PCP2: variants seen among roughly 807,000 people sequenced by gnomAD.
PCP2 encodes Purkinje cell protein 2 homolog.
Under a neutral mutation model 18.3 loss-of-function variants are expected in PCP2, and 21 were observed. That is an observed-to-expected ratio of 1.14 (90% CI 0.81 to 1.65). PCP2 has a LOEUF of 1.65. Among genes scored for constraint, PCP2 ranks in the 40% most tolerant of loss-of-function variants. The probability of loss-of-function intolerance (pLI) is 0.00; values close to 1 mark genes in which losing one functional copy is unlikely to be tolerated. For missense variants in PCP2, 202 were observed against 201.8 expected (o/e 1.00, Z 0.00); for synonymous variants, 85 against 77.6 (o/e 1.10, Z -0.50).
Position 7,633,679 on chromosome 19 carries a change from C to T in PCP2, c.-222G>A, listed in dbSNP as rs1465940021. 5 of 583,656 alleles carry T rather than the reference C, an allele frequency of 8.6e-6. No individual in the cohort carries two copies. The highest frequency in any genetic ancestry group is 4.2e-5 in the South Asian group (2 of 47,400). 36.2% of individuals were successfully genotyped at this position (583,656 alleles called of 1,614,324 possible). ...CTGGCATGGTGGGTAGGGGGCAGGG[C>T]GACCTGAGCTTGGACCTCGCTGTGC... On this transcript the variant is annotated 5_prime_UTR_variant, in exon 1 of 4. Transcript: ENST00000311069.
chr19:7,635,360 G>A (rs2031487002), upstream of PCP2, among the ~76,000 whole-genome samples: 1 of 152,248 alleles, frequency 6.6e-6, no homozygotes, highest in South Asian at 2.1e-4. Flanking sequence ...AGGTCAGCGA[G>A]TTGTATGGTA....
At position 7,631,643 on chromosome 19, in the gene PCP2, T is replaced by C. The variant is rs1568457988; in HGVS notation, c.*46A>G. ...TTATTCATTTAAGTGTTTTATTCTTTTATCAGTTTTTGGGGGCCGAGTGAG... is the reference window on the plus strand; with the variant it reads ...TTATTCATTTAAGTGTTTTATTCTTCTATCAGTTTTTGGGGGCCGAGTGAG... On this transcript the variant is annotated 3_prime_UTR_variant, in exon 4 of 4. Coordinates refer to ENST00000311069, the MANE Select transcript of PCP2 (RefSeq NM_174895.3). The C allele has an allele frequency of 1.4e-6, 2 of 1,453,642 alleles. No individual in the cohort carries two copies. The highest frequency in any genetic ancestry group is 9.1e-7 in the Non-Finnish European group (1 of 1,101,092). 90.0% of individuals were successfully genotyped at this position (1,453,642 alleles called of 1,614,324 possible).
At chr19:7,634,535 T>C (rs2031456937), upstream of PCP2, among the ~76,000 whole-genome samples, 1 of 152,224 alleles carries the variant, frequency 6.6e-6, no homozygotes, top group South Asian at 2.1e-4. Context: ...AGTTGACTTT[T>C]GTTATATATT....
At chr19:7,634,672 T>A (rs186375239), upstream of PCP2, among the ~76,000 whole-genome samples, 31 of 152,044 alleles carry the variant, frequency 2.0e-4, no homozygotes, top group African/African-American at 7.5e-4. Context: ...GCTGAGCCTT[T>A]AAAATTTTTT....
At position 7,632,630 on chromosome 19, in the gene PCP2, T is replaced by A; in HGVS notation, c.166+86A>T. 4 of 1,578,306 alleles carry A rather than the reference T, an allele frequency of 2.5e-6. No individual in the cohort carries two copies. The South Asian group carries it at 4.5e-5, about 18-fold the overall frequency. ...GTGCACAACCACCTCCCACATCCCG[T>A]GCCCCCAGGCCCTCCAGATGACCAC... On this transcript the variant is annotated intron_variant, in intron 2 of 3. Coordinates refer to ENST00000311069, the MANE Select transcript of PCP2 (RefSeq NM_174895.3). The surrounding 1 kb of genome is among the most constrained non-coding windows in gnomAD (Gnocchi z 5.2).
upstream of PCP2, among the ~76,000 whole-genome samples, chr19:7,636,105 T>A (rs1253482458): frequency 1.3e-5 from 2 of 152,156 alleles, no homozygotes; most frequent in Non-Finnish European, 2.9e-5. Flanking sequence ...ATTAGTTTAT[T>A]TCCTTTAGGG....
At position 7,632,429 on chromosome 19, in the gene PCP2, G is replaced by A; in HGVS notation, c.255C>T (p.Val85=). ...CGGGCTGGAAGCCGGGCAGGCTGCTGACTGTCACACGTTGGTCATCCATGC... is the reference window on the plus strand; with the variant it reads ...CGGGCTGGAAGCCGGGCAGGCTGCTAACTGTCACACGTTGGTCATCCATGC... The part of the protein sequence containing the change: ...GRRMDDQRVT[V]SSLPGFQPVG... The change falls in exon 3 of 4, where the codon GTC becomes GTT. Residue 85 remains valine, a synonymous_variant. Coordinates refer to ENST00000311069, the MANE Select transcript of PCP2 (RefSeq NM_174895.3). The surrounding 1 kb of genome is among the most constrained non-coding windows in gnomAD (Gnocchi z 5.2). 6.2e-7 allele frequency: 1 copy of A among 1,613,970 alleles called. No homozygotes were observed. Among genetic ancestry groups the A allele is most frequent in the African/African-American group, 1.3e-5 (1 of 75,026 alleles).
In PCP2 at chr19:7,632,870, T is replaced by G. The variant is rs1045183060; in HGVS notation, c.52-40A>C. The G allele has an allele frequency of 4.9e-5, 75 of 1,535,688 alleles. No individual in the cohort carries two copies. The highest frequency in any genetic ancestry group is 6.3e-5 in the Non-Finnish European group (72 of 1,143,638). On this transcript the variant is annotated intron_variant, in intron 1 of 3. Coordinates refer to ENST00000311069, the MANE Select transcript of PCP2 (RefSeq NM_174895.3). The surrounding 1 kb of genome is among the most constrained non-coding windows in gnomAD (Gnocchi z 5.2). Reference sequence around the variant, plus strand: ...GCTCAGTCTGGTTGGCCCTTCAGCTTGGGGGCCCCTCCCCAAACTTCCTAG... The same window carrying G: ...GCTCAGTCTGGTTGGCCCTTCAGCTGGGGGGCCCCTCCCCAAACTTCCTAG...
At position 7,632,851 on chromosome 19, in the gene PCP2, T is replaced by G; in HGVS notation, c.52-21A>C. On this transcript the variant is annotated intron_variant, in intron 1 of 3. Coordinates refer to ENST00000311069, the MANE Select transcript of PCP2 (RefSeq NM_174895.3). This position sits in a 1 kb window ranked among gnomAD's most constrained non-coding sequence, Gnocchi z 5.2. ...CCCGCCTGGGGACAGACTCGCTCAG[T>G]CTGGTTGGCCCTTCAGCTTGGGGGC... is the stretch of plus-strand genomic sequence containing the variant. 6.5e-7 allele frequency: 1 copy of G among 1,542,764 alleles called. No individual in the cohort carries two copies. The highest frequency in any genetic ancestry group is 8.7e-7 in the Non-Finnish European group (1 of 1,146,634).
chr19:7,631,792 C>T lies in PCP2; in HGVS notation c.308G>A (p.Arg103Gln), dbSNP rs112367781. 2,336 of 1,419,004 alleles carry T rather than the reference C, an allele frequency of 1.6e-3. 23 individuals carry two copies. In the African/African-American group the frequency reaches 0.029, roughly 17 times the overall value. The allele number at this position is 1,419,004 out of a possible 1,614,324, so 87.9% of individuals were successfully genotyped here. A position where few individuals can be genotyped will look rare whatever the true frequency, so the allele number is the denominator to read the frequency against. Residue 103 changes from arginine (R) to glutamine (Q), a missense_variant, in exon 4 of 4, where the codon CGA becomes CAA. Transcript: ENST00000311069. ...PVGSKDGAQK[R>Q]AGTLSPQPLL... ...GGGTTGGGGACTGAGGGTCCCAGCTCGTTTCTGTGCTCCGTCCTGTGGATG... is the reference window on the plus strand; with the variant it reads ...GGGTTGGGGACTGAGGGTCCCAGCTTGTTTCTGTGCTCCGTCCTGTGGATG...
Position 7,631,644 on chromosome 19 carries a change from T to C in PCP2, c.*45A>G, listed in dbSNP as rs192730559. Reference sequence around the variant, plus strand: ...TATTCATTTAAGTGTTTTATTCTTTTATCAGTTTTTGGGGGCCGAGTGAGA... The same window carrying C: ...TATTCATTTAAGTGTTTTATTCTTTCATCAGTTTTTGGGGGCCGAGTGAGA... On this transcript the variant is annotated 3_prime_UTR_variant, in exon 4 of 4. Transcript: ENST00000311069. 3.0e-4 allele frequency: 432 copies of C among 1,455,556 alleles called. 2 individuals are homozygous for C. The African/African-American group carries it at 5.5e-3, about 19-fold the overall frequency. The allele number at this position is 1,455,556 out of a possible 1,614,324, so 90.2% of individuals were successfully genotyped here.
Position 7,632,351 on chromosome 19 carries a change from G to C in PCP2, c.291+42C>G, listed in dbSNP as rs2146195822. ...GTGGAGGGCAGGATCGGAGAGCACT[G>C]CCTGGCGGGTTTCTCCTCGACATCG... On this transcript the variant is annotated intron_variant, in intron 3 of 3. Coordinates refer to ENST00000311069, the MANE Select transcript of PCP2 (RefSeq NM_174895.3). This position sits in a 1 kb window ranked among gnomAD's most constrained non-coding sequence, Gnocchi z 5.2. The C allele has an allele frequency of 6.2e-7, 1 of 1,610,738 alleles. No individual in the cohort carries two copies. The highest frequency in any genetic ancestry group is 8.5e-7 in the Non-Finnish European group (1 of 1,178,936).
chr19:7,634,862 C>T (rs910735305), upstream of PCP2, among the ~76,000 whole-genome samples: 1 of 152,180 alleles, frequency 6.6e-6, no homozygotes, highest in African/African-American at 2.4e-5. Flanking sequence ...CACTCCCTGC[C>T]TCCGTGGTCA....
At position 7,633,421 on chromosome 19, in the gene PCP2, C is replaced by T. The variant is rs1568459760; in HGVS notation, c.37G>A (p.Gly13Ser). 3 of 1,574,250 alleles carry T rather than the reference C, an allele frequency of 1.9e-6. No homozygotes were observed. The highest frequency in any genetic ancestry group is 2.7e-5 in the African/African-American group (2 of 74,082). Residue 13 changes from glycine (G) to serine (S), a missense_variant, in exon 1 of 4, where the codon GGC (glycine) becomes AGC (serine). Transcript: ENST00000311069. ...GGCCCTCTCACCTCGGCACAGGGGC[C>T]TGAGCCTTCCTCCGTCTTCTCCTCC... ...DQEEKTEEGSGPCAEAGSPDQ... is the reference protein window; with the variant it reads ...DQEEKTEEGSSPCAEAGSPDQ...
At position 7,632,927 on chromosome 19, in the gene PCP2, G is replaced by A; in HGVS notation, c.52-97C>T. 6.7e-7 allele frequency: 1 copy of A among 1,495,672 alleles called. No individual in the cohort carries two copies. Among genetic ancestry groups the A allele is most frequent in the African/African-American group, 1.4e-5 (1 of 72,334 alleles). 92.7% of individuals were successfully genotyped at this position (1,495,672 alleles called of 1,614,324 possible). ...TGCTCACACCCTGACCCCGGGGCCT[G>A]CCGTCCCCACTTCCTCAGCTCTCAC... On this transcript the variant is annotated intron_variant, in intron 1 of 3. Transcript: ENST00000311069. The surrounding 1 kb of genome is among the most constrained non-coding windows in gnomAD (Gnocchi z 5.2).
rs1036977387 is a variant in PCP2, at chr19:7,633,548, A to G, written c.-91T>C. 10 of 1,261,416 alleles carry G rather than the reference A, an allele frequency of 7.9e-6. No homozygotes were observed. The South Asian group carries it at 1.3e-4, about 17-fold the overall frequency. 78.1% of individuals were successfully genotyped at this position (1,261,416 alleles called of 1,614,324 possible). A position where few individuals can be genotyped will look rare whatever the true frequency, so the allele number is the denominator to read the frequency against. ...AAACGTCCAGGACGTGGGGGTGTGGATTCCCCCCATCCCCAAATCCCCAGC... is the reference window on the plus strand; with the variant it reads ...AAACGTCCAGGACGTGGGGGTGTGGGTTCCCCCCATCCCCAAATCCCCAGC... On this transcript the variant is annotated 5_prime_UTR_variant, in exon 1 of 4. Coordinates refer to ENST00000311069, the MANE Select transcript of PCP2 (RefSeq NM_174895.3).
In PCP2 at chr19:7,633,335, A is replaced by G. The variant is rs566578222; in HGVS notation, c.51+72T>C. On this transcript the variant is annotated intron_variant, in intron 1 of 3. Coordinates refer to ENST00000311069, the MANE Select transcript of PCP2 (RefSeq NM_174895.3). ...GACTCACTCGTTAATTAGGTGCCCT[A>G]CAAACTAGTCTTGTCAATCATGGGC... is the stretch of plus-strand genomic sequence containing the variant. 145 of 1,423,596 alleles carry G rather than the reference A, an allele frequency of 1.0e-4. 5 individuals are homozygous for G. The South Asian group carries it at 1.7e-3, about 17-fold the overall frequency. 88.2% of individuals were successfully genotyped at this position (1,423,596 alleles called of 1,614,324 possible). A position where few individuals can be genotyped will look rare whatever the true frequency, so the allele number is the denominator to read the frequency against.
At chr19:7,633,381 G>A (rs1278053203) in intron 1 of PCP2, 26 bp downstream of exon 1, 2 of 1,553,938 alleles carry the variant, frequency 1.3e-6, no homozygotes, top group African/African-American at 1.4e-5. Context: ...TGAGCTGGGG[G>A]TGGGGTGGGG....
At position 7,632,720 on chromosome 19, in the gene PCP2, C is replaced by T. The variant is rs1216714784; in HGVS notation, c.162G>A (p.Lys54=). Residue 54 remains lysine (K), a synonymous_variant, in exon 2 of 4, where the codon AAG becomes AAA. Transcript: ENST00000311069. This position sits in a 1 kb window ranked among gnomAD's most constrained non-coding sequence, Gnocchi z 5.2. ...CACCCCCGTGCCCATGCTCACGGCT[C>T]TTGGTGGTCTGGCCCGGCCCGGCTT... ...SLQAGPGQTT[K]SQSDPTPEMD... 1.3e-6 allele frequency: 2 copies of T among 1,558,738 alleles called. No individual in the cohort carries two copies. The highest frequency in any genetic ancestry group is 3.7e-5 in the Admixed American group (2 of 53,364).
Sources: gnomAD v4.1 joint callset for allele counts (sites outside exome capture counted in the v4.1 genomes callset) on GRCh38, gnomAD v4.1.1 for gene constraint, Gnocchi (gnomAD v3.1) non-coding constraint, MANE v1.5 for transcripts, NCBI Gene and HGNC (gene_info 2026-07-23, HGNC 2026-07-21) for gene names.